PTPRZ1: variants seen among roughly 807,000 people sequenced by gnomAD.
The protein encoded by PTPRZ1 is receptor-type tyrosine-protein phosphatase zeta.
PTPRZ1 carries 82 observed loss-of-function variants against 214.1 expected under a neutral mutation model. The observed-to-expected ratio is 0.38, with a 90% CI of 0.32 to 0.46. The LOEUF (loss-of-function observed/expected upper bound fraction) is 0.46, where lower values mean the gene tolerates loss of function less well. Ranked by LOEUF, PTPRZ1 falls within the 20% of genes least tolerant of loss-of-function variation. The pLI is 1.00. For synonymous variants in PTPRZ1, 945 were observed against 987.9 expected, an observed-to-expected ratio of 0.96 and a Z score of 0.81; for missense variants, 2,603 against 2,748.7, an observed-to-expected ratio of 0.95 and a Z score of 1.19.
rs137935426 is a variant in PTPRZ1, at chr7:121,976,195, C to A, written c.479C>A (p.Ala160Glu). ...TAGATGCAAATCTACTGCTTTGATG[C>A]GGACCGATTTTCAAGTTTTGAGGAA... is the stretch of plus-strand genomic sequence containing the variant. ...PLEMQIYCFD[A>E]DRFSSFEEAV... The change falls in exon 5 of 30, where the codon GCG (alanine) becomes GAG (glutamate). Residue 160 changes from alanine to glutamate, a missense_variant. By Grantham distance (107) the Ala-to-Glu change is moderately radical. This residue lies in a region of PTPRZ1 where 244 missense variants were observed against 333.2 expected (regional missense o/e 0.73). Transcript: ENST00000393386. The A allele has an allele frequency of 2.5e-6, 4 of 1,607,840 alleles. No homozygotes were observed. Among genetic ancestry groups the A allele is most frequent in the Non-Finnish European group, 3.4e-6 (4 of 1,175,900 alleles).
intron 1 of PTPRZ1, among the ~76,000 whole-genome samples, chr7:121,879,648 G>C (rs80253595): frequency 0.071 from 10,862 of 152,110 alleles, 1,000 homozygotes; most frequent in African/African-American, 0.22. Context: ...GAACTGAGTT[G>C]AATTCAAATG....
intron 13 of PTPRZ1, among the ~76,000 whole-genome samples, chr7:122,023,654 A>C (rs932912744): frequency 7.6e-6 from 1 of 132,340 alleles, no homozygotes; most frequent in Non-Finnish European, 1.6e-5. Flanking sequence ...ATAATTATAT[A>C]TATTATATGT....
At chr7:121,999,066 A>T (rs1360350238) in intron 10 of PTPRZ1, among the ~76,000 whole-genome samples, 1 of 152,134 alleles carries the variant, frequency 6.6e-6, no homozygotes, top group African/African-American at 2.4e-5. Flanking sequence ...TAAGTTAAAG[A>T]TTATATGTGA....
chr7:121,930,371 C>CT (rs1276592879), intron 2 of PTPRZ1, among the ~76,000 whole-genome samples: 4 of 152,008 alleles, frequency 2.6e-5, no homozygotes, highest in Non-Finnish European at 5.9e-5. Context: ...ATGGAATTTT[C>CT]TTTTTTATTT....
At chr7:121,962,818 C>A (rs1266762385) in intron 2 of PTPRZ1, among the ~76,000 whole-genome samples, 2 of 151,986 alleles carry the variant, frequency 1.3e-5, no homozygotes, top group Non-Finnish European at 2.9e-5. Context: ...CCCACCTCGG[C>A]CTCCCAAAGT....
chr7:122,000,343 A>G (rs988239165), intron 10 of PTPRZ1, among the ~76,000 whole-genome samples: 3 of 151,958 alleles, frequency 2.0e-5, no homozygotes, highest in Non-Finnish European at 4.4e-5. Context: ...CTTGACAATA[A>G]TACTATCTTG....
At chr7:121,908,007 T>G (rs529409254) in intron 1 of PTPRZ1, among the ~76,000 whole-genome samples, 1 of 152,176 alleles carries the variant, frequency 6.6e-6, no homozygotes, top group South Asian at 2.1e-4. Flanking sequence ...GAGTAGAGAA[T>G]GGAAGAAGTT....
At chr7:121,924,506 G>A (rs1221583144) in intron 1 of PTPRZ1, among the ~76,000 whole-genome samples, 1 of 152,152 alleles carries the variant, frequency 6.6e-6, no homozygotes, top group Non-Finnish European at 1.5e-5. Flanking sequence ...GAACTGAAGA[G>A]AGCTACCAAC....
At position 122,003,803 on chromosome 7, in the gene PTPRZ1, G is replaced by T. The variant is rs531816224; in HGVS notation, c.1241-811G>T. Among the ~76,000 whole-genome samples the T allele has an allele frequency of 2.3e-4, 35 of 152,300 alleles. No individual in the cohort carries two copies. In the South Asian group the frequency reaches 6.8e-3, roughly 30 times the overall value. ...TGGCCGCTCAGTAACGTGGTAGAGT[G>T]GCTAGATTCCTTCTTAGGAGAGAAA... On this transcript the variant is annotated intron_variant, in intron 10 of 29. Transcript: ENST00000393386.
intron 15 of PTPRZ1, among the ~76,000 whole-genome samples, chr7:122,032,978 T>C (rs1799427286): frequency 6.6e-6 from 1 of 152,110 alleles, no homozygotes; most frequent in African/African-American, 2.4e-5. Flanking sequence ...GGCTAACATC[T>C]AACAAAATAA....
chr7:122,034,168 T>C, intron 16 of PTPRZ1, 53 bp downstream of exon 16: 2 of 1,570,644 alleles, frequency 1.3e-6, no homozygotes, highest in Admixed American at 1.7e-5. Context: ...GTTGTAACTT[T>C]TAAAAAATTT....
intron 2 of PTPRZ1, among the ~76,000 whole-genome samples, chr7:121,932,650 A>G (rs1040812298): frequency 1.7e-4 from 26 of 152,204 alleles, no homozygotes; most frequent in African/African-American, 6.3e-4. Context: ...TAAGTACATT[A>G]TAAGGCTTGT....
At chr7:121,905,829 A>G (rs1004567053) in intron 1 of PTPRZ1, among the ~76,000 whole-genome samples, 1 of 152,104 alleles carries the variant, frequency 6.6e-6, no homozygotes, top group Non-Finnish European at 1.5e-5. Flanking sequence ...TCACCTGGTC[A>G]TTTTACCACT....
chr7:121,910,192 C>T (rs1198037297), intron 1 of PTPRZ1, among the ~76,000 whole-genome samples: 1 of 152,166 alleles, frequency 6.6e-6, no homozygotes, highest in Non-Finnish European at 1.5e-5. Context: ...GCTCTTCCCT[C>T]AGGTGTCTGC....
rs1392025451 is a variant in PTPRZ1, at chr7:122,012,073, C to T, written c.3027C>T (p.Asp1009=). ...ASSDSEFLLP[D]TDGLTALNIS... ...CTGATAGTGAATTTCTTTTACCTGA[C>T]ACAGATGGGCTGACAGCCCTTAACA... Residue 1009 remains aspartate (D), a synonymous_variant, in exon 12 of 30, where the codon GAC becomes GAT. Transcript: ENST00000393386. 2 of 1,614,202 alleles carry T rather than the reference C, an allele frequency of 1.2e-6. No individual in the cohort carries two copies. The highest frequency in any genetic ancestry group is 1.1e-5 in the South Asian group (1 of 91,086).
chr7:121,889,942 C>A (rs544557316), intron 1 of PTPRZ1, among the ~76,000 whole-genome samples: 4 of 152,166 alleles, frequency 2.6e-5, no homozygotes, highest in African/African-American at 9.7e-5. Context: ...CCTGCCATCT[C>A]ACTAGCCACA....
At chr7:122,049,686 A>T (rs1464915725) in intron 23 of PTPRZ1, among the ~76,000 whole-genome samples, 1 of 152,184 alleles carries the variant, frequency 6.6e-6, no homozygotes. Context: ...TGATACATGG[A>T]AATATTAAGA....
intron 1 of PTPRZ1, among the ~76,000 whole-genome samples, chr7:121,883,954 A>G (rs1385814906): frequency 6.6e-6 from 1 of 152,196 alleles, no homozygotes; most frequent in Non-Finnish European, 1.5e-5. Flanking sequence ...TGAAAAATAC[A>G]TAGGATTGTT....
intron 2 of PTPRZ1, among the ~76,000 whole-genome samples, chr7:121,930,918 C>A (rs983475974): frequency 6.6e-6 from 1 of 152,004 alleles, no homozygotes; most frequent in African/African-American, 2.4e-5. Flanking sequence ...AGAGTGCATC[C>A]CTAACCATGG....
Sources: gnomAD v4.1 joint callset for allele counts (sites outside exome capture counted in the v4.1 genomes callset) on GRCh38, gnomAD v4.1.1 for gene constraint, gnomAD v4.1.1 regional missense constraint, MANE v1.5 for transcripts, NCBI Gene and HGNC (gene_info 2026-07-23, HGNC 2026-07-21) for gene names.